The following C18orf63 variants were observed in gnomAD, a reference collection of about 807,000 sequenced individuals.
C18orf63 encodes chromosome 18 open reading frame 63.
Under a neutral mutation model 75.3 loss-of-function variants are expected in C18orf63, and 50 were observed. The ratio of observed to expected loss-of-function variants is 0.66; its 90% CI spans 0.53 to 0.84. The LOEUF is 0.84. Ranked by LOEUF, C18orf63 falls within the 40% of genes least tolerant of loss-of-function variation. C18orf63 has a pLI of 0.00. For synonymous variants in C18orf63, 232 were observed against 267.6 expected, an observed-to-expected ratio of 0.87 and a Z score of 1.30; for missense variants, 732 against 800.2, an observed-to-expected ratio of 0.91 and a Z score of 1.03.
At chr18:74,339,948 A>G (rs1984452366) in intron 8 of C18orf63, among the ~76,000 whole-genome samples, 1 of 152,210 alleles carries the variant, frequency 6.6e-6, no homozygotes, top group East Asian at 1.9e-4. Context: ...AAAGACCTGT[A>G]CACTGAAAAC....
intron 4 of C18orf63, 102 bp from the exon 5 acceptor site, chr18:74,327,845 T>G: frequency 1.5e-6 from 1 of 681,964 alleles, no homozygotes; most frequent in Non-Finnish European, 2.5e-6. Context: ...AACACCCGAG[T>G]TTGTTGGGTG....
chr18:74,325,798 A>G (rs928207739), intron 4 of C18orf63, among the ~76,000 whole-genome samples: 1 of 152,202 alleles, frequency 6.6e-6, no homozygotes, highest in Non-Finnish European at 1.5e-5. Flanking sequence ...TTTCCCTGCA[A>G]TGGGAGTCAC....
intron 4 of C18orf63, 110 bp from the exon 5 acceptor site, chr18:74,327,837 C>A: frequency 1.5e-6 from 1 of 659,226 alleles, no homozygotes; most frequent in Non-Finnish European, 2.7e-6. Context: ...TTACCTAGAA[C>A]ACCCGAGTTT....
At chr18:74,354,671 C>T in intron 13 of C18orf63, 125 bp downstream of exon 13, 1 of 582,318 alleles carries the variant, frequency 1.7e-6, no homozygotes, top group Non-Finnish European at 3.0e-6. Context: ...GTAAAATCAG[C>T]AAAGAAATAG....
intron 4 of C18orf63, among the ~76,000 whole-genome samples, chr18:74,324,946 T>A (rs1984184214): frequency 6.6e-6 from 1 of 152,194 alleles, no homozygotes; most frequent in South Asian, 2.1e-4. Context: ...ATTGAGCCTT[T>A]ATGGTTATGC....
At chr18:74,320,726 T>TAATCCAATTAACC in intron 3 of C18orf63, 135 bp downstream of exon 3, 1 of 525,682 alleles carries the variant, frequency 1.9e-6, no homozygotes, top group Non-Finnish European at 3.2e-6. Context: ...TACAGGTTAA[T>TAATCCAATTAACC]TGGATTATTA....
intron 2 of C18orf63, among the ~76,000 whole-genome samples, chr18:74,319,125 A>C (rs1442159024): frequency 1.3e-5 from 2 of 152,170 alleles, no homozygotes; most frequent in African/African-American, 4.8e-5. Context: ...TTAAGGACTT[A>C]ATCTGTGACT....
At chr18:74,321,969 G>C (rs1222570217) in intron 3 of C18orf63, among the ~76,000 whole-genome samples, 1 of 151,994 alleles carries the variant, frequency 6.6e-6, no homozygotes, top group Non-Finnish European at 1.5e-5. Flanking sequence ...CACTTTTAAG[G>C]CTGTGAAATA....
chr18:74,340,318 C>T lies in C18orf63; in HGVS notation c.611+1494C>T, dbSNP rs75195670. ...AGTCACAATGAGCGATCACCTCATA[C>T]CTGATGAATGGCTATTATCAAAACG... On this transcript the variant is annotated intron_variant, in intron 8 of 13. Coordinates refer to ENST00000579455, the MANE Select transcript of C18orf63 (RefSeq NM_001174123.2). Among the ~76,000 whole-genome samples the T allele has an allele frequency of 5.6e-3, 845 of 152,232 alleles. 7 individuals carry two copies. The highest frequency in any genetic ancestry group is 0.031 in the Middle Eastern group (9 of 292).
In C18orf63 at chr18:74,353,517, A is replaced by G. The variant is rs1376870582; in HGVS notation, c.1250A>G (p.Asn417Ser). 2.0e-6 allele frequency: 3 copies of G among 1,536,650 alleles called. No individual in the cohort carries two copies. In the Admixed American group the frequency reaches 5.9e-5, roughly 30 times the overall value. ...GAAGTATTAATGCCCAACAGAGGAA[A>G]TACTCAAGTTCAGCACACAAATCTT... is the stretch of plus-strand genomic sequence containing the variant. ...HSEVLMPNRGNTQVQHTNLSS... is the reference protein window; with the variant it reads ...HSEVLMPNRGSTQVQHTNLSS... The change falls in exon 12 of 14, where the codon AAT becomes AGT. Residue 417 changes from asparagine (N) to serine (S), a missense_variant. Asn to Ser is a conservative substitution (Grantham distance 46). Around this residue, in one of 3 missense-constraint regions of C18orf63, gnomAD observed 495 missense variants for 508.7 expected, o/e 0.97. Coordinates refer to ENST00000579455, the MANE Select transcript of C18orf63 (RefSeq NM_001174123.2).
chr18:74,319,333 G>A (rs981383218), intron 2 of C18orf63, among the ~76,000 whole-genome samples: 1 of 151,726 alleles, frequency 6.6e-6, no homozygotes, highest in African/African-American at 2.4e-5. Flanking sequence ...CCTTGCCAAG[G>A]CAAGTACCTG....
At chr18:74,333,788 G>A (rs2145121907) in intron 7 of C18orf63, among the ~76,000 whole-genome samples, 1 of 152,258 alleles carries the variant, frequency 6.6e-6, no homozygotes, top group East Asian at 1.9e-4. Context: ...AATGATTCCA[G>A]GAATATGTGT....
At chr18:74,348,956 C>T (rs1984619841) in intron 11 of C18orf63, among the ~76,000 whole-genome samples, 4 of 152,040 alleles carry the variant, frequency 2.6e-5, no homozygotes, top group African/African-American at 4.8e-5. Context: ...TGTATATTTC[C>T]AAAAGACAGC....
At chr18:74,329,916 A>AG (rs1446898295) in intron 6 of C18orf63, among the ~76,000 whole-genome samples, 14 of 152,150 alleles carry the variant, frequency 9.2e-5, no homozygotes, top group Admixed American at 5.9e-4. Context: ...GTAGCTTTTC[A>AG]CATCATTTGG....
chr18:74,326,583 T>C (rs1448541850), intron 4 of C18orf63, among the ~76,000 whole-genome samples: 1 of 152,244 alleles, frequency 6.6e-6, no homozygotes, highest in Non-Finnish European at 1.5e-5. Flanking sequence ...GGGAGACTAC[T>C]GGCCTGTTCC....
In C18orf63 at chr18:74,353,328, C is replaced by G; in HGVS notation, c.1061C>G (p.Ala354Gly). The change falls in exon 12 of 14, where the codon GCC (alanine) becomes GGC (glycine). Residue 354 changes from alanine (A) to glycine (G), a missense_variant. Around this residue, in one of 3 missense-constraint regions of C18orf63, gnomAD observed 495 missense variants for 508.7 expected, o/e 0.97. Transcript: ENST00000579455. ...ACTCAAGCCACTTCCAGAAAGCCTG[C>G]CTGTGCTCAAAGTCTTCTACCATGT... ...SLTQATSRKP[A>G]CAQSLLPCSV... 1 of 1,536,494 alleles carries G rather than the reference C, an allele frequency of 6.5e-7. No individual in the cohort carries two copies. The highest frequency in any genetic ancestry group is 8.7e-7 in the Non-Finnish European group (1 of 1,146,966).
At chr18:74,349,594 G>A (rs1173927219) in intron 11 of C18orf63, among the ~76,000 whole-genome samples, 3 of 152,140 alleles carry the variant, frequency 2.0e-5, no homozygotes, top group African/African-American at 7.2e-5. Flanking sequence ...GTACACGAGG[G>A]ATCTAGGTTG....
chr18:74,353,218 A>AT (rs200684647), intron 11 of C18orf63, 28 bp from the exon 12 acceptor site: 216 of 1,388,386 alleles, frequency 1.6e-4, no homozygotes, highest in African/African-American at 2.0e-4. Context: ...AACATTTTAA[A>AT]TTTTTTTTTA....
At chr18:74,316,201 C>T (rs1259163792) in intron 1 of C18orf63, 92 bp downstream of exon 1, 1 of 152,048 alleles carries the variant, frequency 6.6e-6, no homozygotes, top group Admixed American at 6.5e-5. Flanking sequence ...GGCGCCGGCA[C>T]CCTGAGGACG....
Sources: allele counts gnomAD v4.1 joint callset (sites outside exome capture counted in the v4.1 genomes callset), GRCh38; gene constraint gnomAD v4.1.1; regional missense constraint gnomAD v4.1.1; transcripts MANE v1.5; gene names NCBI Gene and HGNC (gene_info 2026-07-23, HGNC 2026-07-21).